DLG2: variants seen among roughly 807,000 people sequenced by gnomAD.
DLG2 encodes the protein disks large homolog 2.
DLG2 carries 45 observed loss-of-function variants against 132.5 expected under a neutral mutation model. The observed-to-expected ratio is 0.34, with a 90% confidence interval of 0.27 to 0.44. The LOEUF (loss-of-function observed/expected upper bound fraction) is 0.44, where lower values mean the gene tolerates loss of function less well. Among genes scored for constraint, DLG2 ranks in the 20% least tolerant of loss-of-function variants. DLG2 has a pLI of 1.00. For synonymous variants in DLG2, 424 were observed against 419.6 expected (o/e 1.01, Z -0.13); for missense variants, 1,045 against 1,196.9 (o/e 0.87, Z 1.87).
intron 3 of DLG2, among the ~76,000 whole-genome samples, chr11:85,511,525 G>T (rs1417434212): frequency 1.3e-5 from 2 of 151,762 alleles, no homozygotes; most frequent in Admixed American, 6.6e-5. Context: ...AATAAAATGG[G>T]TTGCCTCAGA....
chr11:85,461,110 G>T (rs1478716380), intron 3 of DLG2, among the ~76,000 whole-genome samples: 1 of 152,080 alleles, frequency 6.6e-6, no homozygotes, highest in African/African-American at 2.4e-5. Flanking sequence ...AACTGGACTT[G>T]GATTCCTACG....
chr11:84,428,936 A>T (rs537220850), intron 7 of DLG2, among the ~76,000 whole-genome samples: 6 of 152,318 alleles, frequency 3.9e-5, no homozygotes, highest in Non-Finnish European at 8.8e-5. Context: ...CTCTGGCTTT[A>T]TGCTAGTTAC....
intron 6 of DLG2, among the ~76,000 whole-genome samples, chr11:84,708,870 G>A (rs1262853309): frequency 6.6e-6 from 1 of 151,886 alleles, no homozygotes; most frequent in Admixed American, 6.6e-5. Context: ...ATCCCAAGGA[G>A]CATTTCTTTT....
intron 7 of DLG2, among the ~76,000 whole-genome samples, chr11:84,521,487 T>C (rs2099300457): frequency 6.6e-6 from 1 of 152,234 alleles, no homozygotes; most frequent in Admixed American, 6.5e-5. Flanking sequence ...ATTAAGTAAT[T>C]ACAATATGTT....
rs1273129128 is a variant in DLG2, at chr11:84,934,504, GTTTTTTTTTTGTTTTGTTTTGTTTTTT to G, written c.357+177130_357+177156del. On this transcript the variant is annotated intron_variant, in intron 6 of 27. Transcript: ENST00000376104. ...TCTGTGAATCTGTATGGTCCTGGGT[GTTTTTTTTTTGTTTTGTTTTGTTTTTT>G]TTTTTTTTTTTTTTTGGTGGGTAGG... Among the ~76,000 whole-genome samples, 24 of 33,870 alleles carry G rather than the reference GTTTTTTTTTTGTTTTGTTTTGTTTTTT, an allele frequency of 7.1e-4. 4 individuals carry two copies. The highest frequency in any genetic ancestry group is 1.7e-3 in the African/African-American group (10 of 5,752). The allele number at this position is 33,870 out of a possible 152,430, so 22.2% of individuals were successfully genotyped here.
At chr11:83,833,425 G>A (rs2055163303) in intron 17 of DLG2, among the ~76,000 whole-genome samples, 189 bp downstream of exon 17, 1 of 152,178 alleles carries the variant, frequency 6.6e-6, no homozygotes, top group African/African-American at 2.4e-5. Context: ...GCAACAGACA[G>A]AGCGAGATTC....
chr11:84,130,505 TAC>T (rs1238340332), intron 9 of DLG2, among the ~76,000 whole-genome samples: 1,540 of 116,846 alleles, frequency 0.013, 9 homozygotes, highest in Non-Finnish European at 0.019. Context: ...TATATATATA[TAC>T]ACACACACAC....
At chr11:83,884,379 C>T (rs1011079565) in intron 15 of DLG2, among the ~76,000 whole-genome samples, 17 of 152,142 alleles carry the variant, frequency 1.1e-4, no homozygotes, top group South Asian at 4.1e-4. Context: ...AAGGCGGCAG[C>T]GAGGCTAGGG....
Position 84,246,880 on chromosome 11 carries a change from T to A in DLG2, c.573+4358A>T, listed in dbSNP as rs577739013. On this transcript the variant is annotated intron_variant, in intron 8 of 27. Transcript: ENST00000376104. ...AAAAAATGCTTATTGCCGCTGATTT[T>A]TTTTTGGTTGTGGTTACACACCAAA... Among the ~76,000 whole-genome samples the A allele has an allele frequency of 6.9e-4, 105 of 152,322 alleles. 2 individuals are homozygous for A. The South Asian group carries it at 0.02, about 29-fold the overall frequency.
At chr11:85,526,135 G>A (rs1051498795) in intron 3 of DLG2, among the ~76,000 whole-genome samples, 2 of 152,148 alleles carry the variant, frequency 1.3e-5, no homozygotes, top group African/African-American at 4.8e-5. Flanking sequence ...ATTAGCCCTA[G>A]ACTAACTGCT....
chr11:85,011,769 C>G (rs554922069), intron 6 of DLG2, among the ~76,000 whole-genome samples: 3 of 152,120 alleles, frequency 2.0e-5, no homozygotes, highest in Non-Finnish European at 4.4e-5. Flanking sequence ...ATTCCAGTCT[C>G]TTATAAGACT....
intron 17 of DLG2, among the ~76,000 whole-genome samples, chr11:83,806,614 C>T (rs1404386440): frequency 6.6e-6 from 1 of 152,140 alleles, no homozygotes; most frequent in Non-Finnish European, 1.5e-5. Flanking sequence ...AGACTGTAAG[C>T]CCCACGAGGG....
At chr11:83,961,533 A>G (rs2088781573) in intron 14 of DLG2, among the ~76,000 whole-genome samples, 1 of 152,046 alleles carries the variant, frequency 6.6e-6, no homozygotes. Context: ...CTACATCTCT[A>G]AAATGGAGAT....
intron 6 of DLG2, among the ~76,000 whole-genome samples, chr11:84,873,755 C>T (rs558541795): frequency 6.6e-5 from 10 of 152,334 alleles, no homozygotes; most frequent in Non-Finnish European, 1.3e-4. Context: ...AGCAATAATA[C>T]CCTGCCTTTA....
intron 6 of DLG2, among the ~76,000 whole-genome samples, chr11:84,864,841 A>C (rs968301607): frequency 1.3e-5 from 2 of 152,116 alleles, no homozygotes; most frequent in Non-Finnish European, 2.9e-5. Context: ...ATAGTGAGAA[A>C]ATTTTCTCTA....
At chr11:84,474,872 T>C (rs1277629063) in intron 7 of DLG2, among the ~76,000 whole-genome samples, 1 of 152,090 alleles carries the variant, frequency 6.6e-6, no homozygotes, top group Non-Finnish European at 1.5e-5. Flanking sequence ...CATATTAACT[T>C]CTAACCAAAC....
intron 6 of DLG2, among the ~76,000 whole-genome samples, chr11:84,722,277 C>A (rs1213056202): frequency 1.3e-5 from 2 of 152,142 alleles, no homozygotes; most frequent in Non-Finnish European, 2.9e-5. Flanking sequence ...TCAAAAGTAT[C>A]CATGGCAAAC....
At chr11:83,808,532 T>C (rs1301913266) in intron 17 of DLG2, among the ~76,000 whole-genome samples, 1 of 152,140 alleles carries the variant, frequency 6.6e-6, no homozygotes, top group African/African-American at 2.4e-5. Context: ...TCAAACTCCA[T>C]TCACTGCACT....
intron 6 of DLG2, among the ~76,000 whole-genome samples, chr11:84,977,295 T>G (rs1201519120): frequency 6.6e-6 from 1 of 152,114 alleles, no homozygotes; most frequent in Non-Finnish European, 1.5e-5. Context: ...TCTCTCCCAC[T>G]CTATGTGAGT....
Sources: gnomAD v4.1 joint callset for allele counts (sites outside exome capture counted in the v4.1 genomes callset) on GRCh38, gnomAD v4.1.1 for gene constraint, MANE v1.5 for transcripts, NCBI Gene and HGNC (gene_info 2026-07-23, HGNC 2026-07-21) for gene names.